PTPRM: variants seen among roughly 807,000 people sequenced by gnomAD.
PTPRM encodes the protein protein tyrosine phosphatase receptor type M, also known as receptor-type tyrosine-protein phosphatase mu.
In PTPRM, 47 loss-of-function variants were observed where a neutral mutation model predicts 186.7. The observed-to-expected ratio is 0.25, with a 90% confidence interval of 0.20 to 0.32. PTPRM has a LOEUF of 0.32. Ranked by LOEUF, PTPRM falls within the 10% of genes least tolerant of loss-of-function variation. PTPRM has a pLI of 1.00. For missense variants in PTPRM, 1,494 were observed against 1,865.0 expected (o/e 0.80, Z 3.66); for synonymous variants, 668 against 674.9 (o/e 0.99, Z 0.16).
At chr18:8,312,343 G>A (rs997855508) in intron 20 of PTPRM, among the ~76,000 whole-genome samples, 39 of 152,104 alleles carry the variant, frequency 2.6e-4, no homozygotes, top group African/African-American at 9.4e-4. Context: ...GGAGCCACTG[G>A]TTTTAAGCAG....
chr18:7,809,057 C>A (rs989035195), intron 2 of PTPRM, among the ~76,000 whole-genome samples: 7 of 152,114 alleles, frequency 4.6e-5, no homozygotes, highest in Non-Finnish European at 1.0e-4. Flanking sequence ...GCAGTCATTA[C>A]CCACATGTGA....
At chr18:8,183,284 T>G (rs2093601120) in intron 14 of PTPRM, among the ~76,000 whole-genome samples, 1 of 152,202 alleles carries the variant, frequency 6.6e-6, no homozygotes, top group Non-Finnish European at 1.5e-5. Flanking sequence ...CTAAATTCTG[T>G]TATGGCTAAA....
At chr18:8,278,727 TG>T (rs1246097684) in intron 19 of PTPRM, among the ~76,000 whole-genome samples, 1 of 152,120 alleles carries the variant, frequency 6.6e-6, no homozygotes, top group Non-Finnish European at 1.5e-5. Context: ...CTCACATGTG[TG>T]GGGTACAGAG....
At chr18:7,859,979 G>T (rs779429547) in intron 2 of PTPRM, among the ~76,000 whole-genome samples, 1 of 152,182 alleles carries the variant, frequency 6.6e-6, no homozygotes, top group Non-Finnish European at 1.5e-5. Context: ...AGGGCTAGTA[G>T]ATTGGAGGTT....
At chr18:7,658,747 T>G (rs1281181405) in intron 1 of PTPRM, among the ~76,000 whole-genome samples, 1 of 152,170 alleles carries the variant, frequency 6.6e-6, no homozygotes, top group Admixed American at 6.6e-5. Context: ...AATGTGCTGT[T>G]TTTCTCACAT....
At chr18:8,124,937 T>A (rs2092291513) in intron 13 of PTPRM, among the ~76,000 whole-genome samples, 1 of 152,194 alleles carries the variant, frequency 6.6e-6, no homozygotes, top group Non-Finnish European at 1.5e-5. Context: ...TGTGAGATGA[T>A]GAGTCCTTTG....
intron 23 of PTPRM, among the ~76,000 whole-genome samples, chr18:8,362,610 C>A (rs1281810337): frequency 6.6e-6 from 1 of 152,156 alleles, no homozygotes; most frequent in Non-Finnish European, 1.5e-5. Context: ...CTAGAATATC[C>A]CTCTCTTCCA....
chr18:7,936,940 A>G (rs6506540), intron 5 of PTPRM, among the ~76,000 whole-genome samples: 57,798 of 152,002 alleles, frequency 0.38, 13,015 homozygotes, highest in African/African-American at 0.63. Context: ...ACCTGCCTGC[A>G]TACAGGAGCT....
chr18:8,150,723 G>C (rs1347262875), intron 14 of PTPRM, among the ~76,000 whole-genome samples: 2 of 152,136 alleles, frequency 1.3e-5, no homozygotes, highest in Non-Finnish European at 2.9e-5. Flanking sequence ...GAGGAGAAGA[G>C]ACATTCTGGT....
intron 7 of PTPRM, among the ~76,000 whole-genome samples, chr18:7,986,820 A>C (rs1183965043): frequency 6.6e-6 from 1 of 152,056 alleles, no homozygotes; most frequent in Non-Finnish European, 1.5e-5. Flanking sequence ...CTATATTTGG[A>C]TAGGGTCTTT....
chr18:8,071,325 A>G (rs1180807737), intron 8 of PTPRM, among the ~76,000 whole-genome samples: 5 of 152,100 alleles, frequency 3.3e-5, no homozygotes, highest in African/African-American at 1.2e-4. Context: ...TTCTACTTCC[A>G]AAGTTTTAGA....
chr18:7,813,412 C>T (rs1461961885), intron 2 of PTPRM, among the ~76,000 whole-genome samples: 2 of 152,302 alleles, frequency 1.3e-5, no homozygotes, highest in South Asian at 4.1e-4. Context: ...TTTCTGGGCT[C>T]TCCGTCCATG....
chr18:8,036,653 G>T (rs916090294), intron 7 of PTPRM, among the ~76,000 whole-genome samples: 5 of 152,164 alleles, frequency 3.3e-5, no homozygotes, highest in African/African-American at 7.2e-5. Flanking sequence ...TCTCAGAGAT[G>T]TTGTTAACCA....
intron 8 of PTPRM, among the ~76,000 whole-genome samples, chr18:8,075,999 C>A (rs183244617): frequency 1.3e-5 from 2 of 152,138 alleles, no homozygotes; most frequent in East Asian, 1.9e-4. Flanking sequence ...GTATATGTCT[C>A]CTGGTGCATA....
chr18:8,353,289 G>A (rs114462443), intron 23 of PTPRM, among the ~76,000 whole-genome samples: 131 of 152,300 alleles, frequency 8.6e-4, no homozygotes, highest in African/African-American at 3.0e-3. Context: ...GGTAGCAAGT[G>A]GGCAGTGTGT....
chr18:7,679,871 T>A (rs756078795), intron 1 of PTPRM, among the ~76,000 whole-genome samples: 41 of 151,376 alleles, frequency 2.7e-4, no homozygotes, highest in Admixed American at 5.9e-4. Context: ...AAAAAAAAAA[T>A]ATTTTATTTT....
chr18:7,979,604 A>G (rs139431541), intron 7 of PTPRM, among the ~76,000 whole-genome samples: 2 of 152,306 alleles, frequency 1.3e-5, no homozygotes, highest in African/African-American at 4.8e-5. Flanking sequence ...TTTGCATTAC[A>G]TATTTTTTTC....
chr18:7,756,543 A>G (rs984102073), intron 1 of PTPRM, among the ~76,000 whole-genome samples: 3 of 152,202 alleles, frequency 2.0e-5, no homozygotes, highest in African/African-American at 7.2e-5. Flanking sequence ...TTGAGATGTC[A>G]GTGCTGTTTG....
At chr18:7,666,205 G>C (rs1464822630) in intron 1 of PTPRM, among the ~76,000 whole-genome samples, 1 of 152,056 alleles carries the variant, frequency 6.6e-6, no homozygotes, top group Non-Finnish European at 1.5e-5. Context: ...TTAATCTTCT[G>C]TGTTTTCCTT....
Sources: allele counts gnomAD v4.1 joint callset (sites outside exome capture counted in the v4.1 genomes callset), GRCh38; gene constraint gnomAD v4.1.1; transcripts MANE v1.5; gene names NCBI Gene and HGNC (gene_info 2026-07-23, HGNC 2026-07-21).